The following ADGRA3 variants were observed in gnomAD, a reference collection of about 807,000 sequenced individuals.
The protein encoded by ADGRA3 is adhesion G protein-coupled receptor A3, also known as G-protein coupled receptor 125.
ADGRA3 carries 56 observed loss-of-function variants against 119.8 expected under a neutral mutation model. The observed-to-expected ratio is 0.47, with a 90% CI of 0.38 to 0.58. The LOEUF (loss-of-function observed/expected upper bound fraction) is 0.58, where lower values mean the gene tolerates loss of function less well. Among genes scored for constraint, ADGRA3 ranks in the 20% least tolerant of loss-of-function variants. The pLI is 0.00. For missense variants in ADGRA3, 1,516 were observed against 1,649.0 expected, an observed-to-expected ratio of 0.92 and a Z score of 1.40; for synonymous variants, 607 against 623.8, an observed-to-expected ratio of 0.97 and a Z score of 0.40.
intron 1 of ADGRA3, among the ~76,000 whole-genome samples, chr4:22,503,496 A>T (rs1224731940): frequency 1.3e-5 from 2 of 152,232 alleles, no homozygotes; most frequent in African/African-American, 4.8e-5. Context: ...CATTACAGTT[A>T]TATCTCCATA....
rs761890075 is a variant in ADGRA3, at chr4:22,445,065, T to C, written c.614A>G (p.Lys205Arg). Residue 205 changes from lysine (K) to arginine (R), a missense_variant, in exon 6 of 19, where the codon AAG (lysine) becomes AGG (arginine). Lys to Arg is a conservative substitution (Grantham distance 26, BLOSUM62 2). Coordinates refer to ENST00000334304, the MANE Select transcript of ADGRA3 (RefSeq NM_145290.4). The stretch of plus-strand genomic sequence containing the variant: ...CCTGGTATCCCGTACCGTGATGTTC[T>C]TCTCCTTTACCCAGCGATGCATCCA... ...ILWMHRWVKEKNITVRDTRCV... is the reference protein window; with the variant it reads ...ILWMHRWVKERNITVRDTRCV... 1.9e-5 allele frequency: 31 copies of C among 1,613,950 alleles called. No homozygotes were observed. The Middle Eastern group carries it at 1.2e-3, about 60-fold the overall frequency.
chr4:22,515,476 A>G, intron 1 of ADGRA3, 52 bp downstream of exon 1: 1 of 1,573,850 alleles, frequency 6.4e-7, no homozygotes, highest in Non-Finnish European at 8.6e-7. Flanking sequence ...TTGAGCGGAG[A>G]GATAAGAAAG....
At chr4:22,501,609 C>T (rs375816356) in intron 1 of ADGRA3, among the ~76,000 whole-genome samples, 45 of 152,192 alleles carry the variant, frequency 3.0e-4, no homozygotes, top group Admixed American at 2.0e-4. Context: ...GGACTCCCCA[C>T]GTTTCCTTTC....
At chr4:22,506,552 C>G (rs1265254756) in intron 1 of ADGRA3, among the ~76,000 whole-genome samples, 1 of 151,934 alleles carries the variant, frequency 6.6e-6, no homozygotes, top group Non-Finnish European at 1.5e-5. Context: ...GACCCTATCT[C>G]AAAAACAAAC....
At chr4:22,438,670 T>C (rs532814524) in intron 7 of ADGRA3, among the ~76,000 whole-genome samples, 3 of 152,280 alleles carry the variant, frequency 2.0e-5, no homozygotes, top group Admixed American at 6.5e-5. Context: ...TGCAATGCTA[T>C]ACGACGCATG....
chr4:22,399,583 G>A (rs1219972073), intron 16 of ADGRA3, among the ~76,000 whole-genome samples: 1 of 151,682 alleles, frequency 6.6e-6, no homozygotes, highest in Non-Finnish European at 1.5e-5. Context: ...ACTGAATGGT[G>A]GTCTCTCTTC....
chr4:22,471,666 C>A (rs1717862249), intron 2 of ADGRA3, among the ~76,000 whole-genome samples: 1 of 152,068 alleles, frequency 6.6e-6, no homozygotes, highest in South Asian at 2.1e-4. Flanking sequence ...TAAAGATGTT[C>A]TCTAACACAA....
intron 4 of ADGRA3, among the ~76,000 whole-genome samples, chr4:22,448,250 G>A (rs1400752444): frequency 6.6e-6 from 1 of 152,152 alleles, no homozygotes; most frequent in Non-Finnish European, 1.5e-5. Flanking sequence ...ACGCACTTCC[G>A]TGTACAGCCA....
At chr4:22,394,900 A>C (rs143984681) in intron 16 of ADGRA3, 14 of 152,320 alleles carry the variant, frequency 9.2e-5, no homozygotes, top group Admixed American at 9.2e-4. Context: ...GCAAATCACT[A>C]AATATTCTAC....
chr4:22,449,628 C>T (rs959559617), intron 4 of ADGRA3, among the ~76,000 whole-genome samples: 2 of 152,078 alleles, frequency 1.3e-5, no homozygotes, highest in African/African-American at 4.8e-5. Flanking sequence ...GGGCAGATTG[C>T]CTGTGGTGAG....
chr4:22,388,601 C>G lies in ADGRA3; in HGVS notation c.3070G>C (p.Asp1024His), dbSNP rs535177320. Residue 1024 changes from aspartate to histidine, a missense_variant, in exon 19 of 19, where the codon GAC (aspartate) becomes CAC (histidine). By Grantham distance (81) the Asp-to-His change is moderately conservative (BLOSUM62 -1). Around this residue, in one of 2 missense-constraint regions of ADGRA3, gnomAD observed 1,088 missense variants for 1,107.1 expected, o/e 0.98. Coordinates refer to ENST00000334304, the MANE Select transcript of ADGRA3 (RefSeq NM_145290.4). ...ALAVSLYYPL[D>H]LVFSFVFGAT... ...CCAAAAACGAAGCTAAAAACCAAGT[C>G]CAAAGGGTAATACAAAGAAACAGCC... 1 of 1,613,980 alleles carries G rather than the reference C, an allele frequency of 6.2e-7. No individual in the cohort carries two copies. Among genetic ancestry groups the G allele is most frequent in the Non-Finnish European group, 8.5e-7 (1 of 1,180,006 alleles).
chr4:22,429,249 C>T (rs551569165), intron 10 of ADGRA3, among the ~76,000 whole-genome samples: 4 of 152,196 alleles, frequency 2.6e-5, no homozygotes, highest in African/African-American at 4.8e-5. Flanking sequence ...ATTACAAACA[C>T]GTACGTGCAC....
Position 22,402,735 on chromosome 4 carries a change from G to T in ADGRA3, c.2297C>A (p.Thr766Asn). The change falls in exon 15 of 19, where the codon ACC (threonine) becomes AAC (asparagine). Residue 766 changes from threonine (T) to asparagine (N), a missense_variant. By Grantham distance (65) the Thr-to-Asn change is moderately conservative (BLOSUM62 0). Coordinates refer to ENST00000334304, the MANE Select transcript of ADGRA3 (RefSeq NM_145290.4). The stretch of plus-strand genomic sequence containing the variant: ...GAGACATAAGAGGAGAATGATAGCG[G>T]TAGTATAAACCACAGGATGCAGGAG... ...ASLLHPVVYT[T>N]AIILLLCLLA... The T allele has an allele frequency of 1.2e-6, 2 of 1,613,638 alleles. No homozygotes were observed. Among genetic ancestry groups the T allele is most frequent in the Non-Finnish European group, 1.7e-6 (2 of 1,179,624 alleles).
Position 22,510,009 on chromosome 4 carries a change from CAA to C in ADGRA3, c.257+5517_257+5518del, listed in dbSNP as rs545010218. ...TGGGCGACAGAGCGAGACTCCGTCT[CAA>C]AAAAAAAAAAAAAAAAAGAAATGAC... is the stretch of plus-strand genomic sequence containing the variant. On this transcript the variant is annotated intron_variant, in intron 1 of 18. Transcript: ENST00000334304. Among the ~76,000 whole-genome samples the C allele has an allele frequency of 1.6e-3, 157 of 98,876 alleles. No homozygotes were observed. In the Middle Eastern group the frequency reaches 0.029, roughly 18 times the overall value. 64.9% of individuals were successfully genotyped at this position (98,876 alleles called of 152,430 possible). A position where few individuals can be genotyped will look rare whatever the true frequency, so the allele number is the denominator to read the frequency against.
At chr4:22,405,383 TAAAAATA>T (rs1467306199) in intron 14 of ADGRA3, among the ~76,000 whole-genome samples, 3 of 151,276 alleles carry the variant, frequency 2.0e-5, no homozygotes, top group Non-Finnish European at 2.9e-5. Flanking sequence ...CTGCAAAAAA[TAAAAATA>T]AAAACATTAA....
At position 22,442,856 on chromosome 4, in the gene ADGRA3, C is replaced by T. The variant is rs1207567449; in HGVS notation, c.714G>A (p.Pro238=). ...TCATGTAGAAAGACGGCAATTCAAG[C>T]GGAGGGTCTAGAGACAATCAAACAA... The part of the protein sequence containing the change: ...VKQELLTCDP[P]LELPSFYMTP... Residue 238 remains proline (P), a synonymous_variant, in exon 7 of 19, where the codon CCG becomes CCA. Transcript: ENST00000334304. The T allele has an allele frequency of 3.1e-6, 5 of 1,611,258 alleles. No individual in the cohort carries two copies. The highest frequency in any genetic ancestry group is 2.5e-6 in the Non-Finnish European group (3 of 1,177,658).
intron 1 of ADGRA3, among the ~76,000 whole-genome samples, chr4:22,502,041 G>C (rs771471248): frequency 6.6e-5 from 10 of 152,086 alleles, no homozygotes; most frequent in Non-Finnish European, 1.2e-4. Context: ...GTTCAGACTG[G>C]ATGACACCTA....
intron 14 of ADGRA3, among the ~76,000 whole-genome samples, chr4:22,404,247 T>C (rs34537048): frequency 0.077 from 11,643 of 151,328 alleles, 792 homozygotes; most frequent in East Asian, 0.28. Flanking sequence ...AAAAGCTAGA[T>C]TAAAAAAAAG....
At chr4:22,428,474 G>A (rs541290777) in intron 10 of ADGRA3, among the ~76,000 whole-genome samples, 1 of 152,044 alleles carries the variant, frequency 6.6e-6, no homozygotes, top group Non-Finnish European at 1.5e-5. Flanking sequence ...TTCAATCATC[G>A]AGTAGCAAAA....
Sources: allele counts gnomAD v4.1 joint callset (sites outside exome capture counted in the v4.1 genomes callset), GRCh38; gene constraint gnomAD v4.1.1; regional missense constraint gnomAD v4.1.1; transcripts MANE v1.5; gene names NCBI Gene and HGNC (gene_info 2026-07-23, HGNC 2026-07-21).